RAD17: variants seen among roughly 807,000 people sequenced by gnomAD.
RAD17 encodes RAD17 checkpoint clamp loader component.
RAD17 carries 31 observed loss-of-function variants against 81.5 expected under a neutral mutation model. The ratio of observed to expected loss-of-function variants is 0.38; its 90% CI spans 0.29 to 0.51. RAD17 has a LOEUF of 0.51. RAD17 is among the 20% of genes least tolerant of loss of function. The pLI is 0.88. For synonymous variants in RAD17, 261 were observed against 266.2 expected (o/e 0.98, Z 0.19); for missense variants, 681 against 781.2 (o/e 0.87, Z 1.53).
Position 69,371,452 on chromosome 5 carries a change from A to G in RAD17, c.-279-2A>G, listed in dbSNP as rs949572365. ...AGGGCTTCTTCCCCCCCCCCCCCCC[A>G]GGTGAATTATAGTTTAATGTACTGC... On this transcript the variant is annotated splice_acceptor_variant, in intron 2 of 18. Transcript: ENST00000354868. LOFTEE classifies it low-confidence loss of function (5UTR_SPLICE). The G allele has an allele frequency of 2.1e-4, 48 of 231,790 alleles. No homozygotes were observed. Among genetic ancestry groups the G allele is most frequent in the Middle Eastern group, 1.8e-3 (1 of 550 alleles). The allele number at this position is 231,790 out of a possible 1,614,324, so 14.4% of individuals were successfully genotyped here.
rs1289454376 is a variant in RAD17, at chr5:69,408,569, A to G, written c.1694-1924A>G. 1.7e-4 allele frequency among the ~76,000 whole-genome samples: 23 copies of G among 131,578 alleles called. No individual in the cohort carries two copies. In the Admixed American group the frequency reaches 1.9e-3, roughly 11 times the overall value. 86.3% of individuals were successfully genotyped at this position (131,578 alleles called of 152,430 possible). A position where few individuals can be genotyped will look rare whatever the true frequency, so the allele number is the denominator to read the frequency against. ...CGCTCTGTCACCCAGACTGGAGTGC[A>G]GTGGTACGATGGCTGACTGCAACCT... On this transcript the variant is annotated intron_variant, in intron 17 of 18. Transcript: ENST00000354868.
chr5:69,394,129 A>G (rs911061247), intron 15 of RAD17, among the ~76,000 whole-genome samples: 1 of 143,924 alleles, frequency 6.9e-6, no homozygotes, highest in African/African-American at 2.6e-5. Context: ...AACATGGTTC[A>G]CTGCAACCTT....
chr5:69,398,868 TAAAAAAA>T (rs72281552), intron 16 of RAD17, among the ~76,000 whole-genome samples: 1 of 109,878 alleles, frequency 9.1e-6, no homozygotes, highest in Non-Finnish European at 1.8e-5. Flanking sequence ...ATCTCCTGGT[TAAAAAAA>T]AAAAAAAAAA....
In RAD17 at chr5:69,399,936, A is replaced by G. The variant is rs1217736419; in HGVS notation, c.1573-113A>G. The G allele has an allele frequency of 4.6e-6, 3 of 652,054 alleles. No individual in the cohort carries two copies. In the East Asian group the frequency reaches 9.8e-5, roughly 21 times the overall value. The allele number at this position is 652,054 out of a possible 1,614,324, so 40.4% of individuals were successfully genotyped here. The stretch of plus-strand genomic sequence containing the variant: ...AAGTATATTTGTGATATATAAACCC[A>G]CAAGTTAATATAAACTTATTGTGTA... On this transcript the variant is annotated intron_variant, in intron 16 of 18. Transcript: ENST00000354868.
intron 17 of RAD17, among the ~76,000 whole-genome samples, chr5:69,407,479 G>A (rs1765676990): frequency 6.7e-6 from 1 of 149,606 alleles, no homozygotes; most frequent in Non-Finnish European, 1.5e-5. Context: ...TTTCATTAGG[G>A]TATGTTCACT....
In RAD17 at chr5:69,391,848, C is replaced by T. The variant is rs528080715; in HGVS notation, c.1024C>T (p.Pro342Ser). 4.5e-6 allele frequency: 7 copies of T among 1,548,376 alleles called. No individual in the cohort carries two copies. In the African/African-American group the frequency reaches 7.1e-5, roughly 16 times the overall value. ...SSSKGENNLR[P>S]RKKGMSLKSD... is the part of the protein sequence containing the mutation. ...TTATTCAGGAGAAAACAACTTACGG[C>T]CAAGGAAAAAAGGAATGTCTTTAAA... is the stretch of plus-strand genomic sequence containing the variant. The change falls in exon 13 of 19, where the codon CCA becomes TCA. Residue 342 changes from proline to serine, a missense_variant. Transcript: ENST00000354868.
chr5:69,370,844 C>G (rs1294887658), intron 1 of RAD17, 191 bp from the exon 2 acceptor site: 1 of 214,224 alleles, frequency 4.7e-6, no homozygotes, highest in Non-Finnish European at 9.6e-6. Context: ...AGTATACTTT[C>G]CAATGTATAA....
At chr5:69,383,329 A>G (rs1763969937) in intron 7 of RAD17, among the ~76,000 whole-genome samples, 4 of 151,756 alleles carry the variant, frequency 2.6e-5, no homozygotes, top group Admixed American at 6.6e-5. Context: ...TGCTACTAGT[A>G]TCCCATCCTG....
At chr5:69,392,697 C>T (rs1392987812) in intron 13 of RAD17, 1 of 377,512 alleles carries the variant, frequency 2.6e-6, no homozygotes, top group East Asian at 8.0e-5. Flanking sequence ...ACCTGAGTGA[C>T]TATTCCCACC....
chr5:69,384,680 G>A (rs2150809088), intron 7 of RAD17, 117 bp from the exon 8 acceptor site: 1 of 929,712 alleles, frequency 1.1e-6, no homozygotes, highest in South Asian at 2.4e-5. Context: ...TTTCCTAATT[G>A]GGAAATAGTC....
At chr5:69,369,397 G>C (rs1762744495), upstream of RAD17, 1 of 1,569,158 alleles carries the variant, frequency 6.4e-7, no homozygotes, top group African/African-American at 1.4e-5. Context: ...CTGGGCGCCC[G>C]ATGCCCAGAG....
chr5:69,377,497 G>A (rs1332259575), intron 6 of RAD17, among the ~76,000 whole-genome samples: 17 of 55,020 alleles, frequency 3.1e-4, no homozygotes, highest in East Asian at 1.9e-3. Context: ...ATATATATAC[G>A]TATATATATG....
At chr5:69,408,472 TC>T (rs1765769047) in intron 17 of RAD17, among the ~76,000 whole-genome samples, 1 of 151,332 alleles carries the variant, frequency 6.6e-6, no homozygotes, top group Admixed American at 6.6e-5. Context: ...GCTCTTTGCT[TC>T]CTTTGTTATC....
chr5:69,374,446 A>C (rs1763213625), intron 5 of RAD17, among the ~76,000 whole-genome samples, 182 bp from the exon 6 acceptor site: 1 of 152,222 alleles, frequency 6.6e-6, no homozygotes. Context: ...TATCAACTTA[A>C]GAATATAATT....
chr5:69,376,665 A>G (rs574928746), intron 6 of RAD17, among the ~76,000 whole-genome samples: 54 of 152,282 alleles, frequency 3.5e-4, no homozygotes, highest in African/African-American at 9.9e-4. Context: ...ACTAACACCC[A>G]GAGTCCATTG....
intron 4 of RAD17, among the ~76,000 whole-genome samples, chr5:69,372,578 T>TATTTGTAATTATTAGCTAATA (rs1405352658): frequency 3.3e-5 from 5 of 152,146 alleles, no homozygotes; most frequent in Non-Finnish European, 7.3e-5. Context: ...AATTTCTAAT[T>TATTTGTAATTATTAGCTAATA]ATTTGTAATT....
At chr5:69,381,836 T>C in intron 6 of RAD17, 65 bp from the exon 7 acceptor site, 1 of 1,184,172 alleles carries the variant, frequency 8.4e-7, no homozygotes, top group South Asian at 1.6e-5. Flanking sequence ...GAATGAAAAG[T>C]CAGAAATAAT....
intron 5 of RAD17, among the ~76,000 whole-genome samples, chr5:69,374,353 C>A (rs1328302086): frequency 6.6e-6 from 1 of 152,174 alleles, no homozygotes; most frequent in East Asian, 1.9e-4. Context: ...ATGTAATACT[C>A]CTCTCTACTG....
chr5:69,406,176 G>A (rs1457003156), intron 17 of RAD17, among the ~76,000 whole-genome samples: 1 of 151,990 alleles, frequency 6.6e-6, no homozygotes, highest in Non-Finnish European at 1.5e-5. Flanking sequence ...AGGAAAACAT[G>A]GTATATATAC....
Sources: allele counts gnomAD v4.1 joint callset (sites outside exome capture counted in the v4.1 genomes callset), GRCh38; gene constraint gnomAD v4.1.1; transcripts MANE v1.5; gene names NCBI Gene and HGNC (gene_info 2026-07-23, HGNC 2026-07-21).